MEX3D: variants seen among roughly 807,000 people sequenced by gnomAD.
MEX3D encodes RNA-binding protein MEX3D.
Under a neutral mutation model 6.3 loss-of-function variants are expected in MEX3D, and 4 were observed. The observed-to-expected ratio is 0.64, with a 90% CI of 0.31 to 1.46. The LOEUF (loss-of-function observed/expected upper bound fraction) is 1.46. Among genes scored for constraint, MEX3D ranks in the 40% most tolerant of loss-of-function variants. MEX3D has a pLI of 0.07. For missense variants in MEX3D, 1,038 were observed against 994.4 expected (o/e 1.04, Z -0.59); for synonymous variants, 626 against 494.1 (o/e 1.27, Z -3.54).
rs1914460610 is a variant in MEX3D at position 1,554,680 on chromosome 19, A to G, written c.*883T>C. 6.6e-6 allele frequency: 1 copy of G among 152,458 alleles called. No individual in the cohort carries two copies. Among genetic ancestry groups the G allele is most frequent in the African/African-American group, 2.4e-5 (1 of 41,464 alleles). 9.4% of individuals were successfully genotyped at this position (152,458 alleles called of 1,614,324 possible). On this transcript the variant is annotated 3_prime_UTR_variant, in exon 2 of 2. Transcript: ENST00000402693. The stretch of plus-strand genomic sequence containing the variant: ...ACGCTGAAGCCGTGTGCTCACATGT[A>G]GAAAAGAGGCTTTATTAAGAAGGCT...
chr19:1,564,284 G>A (rs1416300399), intron 1 of MEX3D, among the ~76,000 whole-genome samples: 2 of 151,926 alleles, frequency 1.3e-5, no homozygotes, highest in Non-Finnish European at 2.9e-5. Flanking sequence ...TGTAGTCCCA[G>A]CACTCTGGGA....
In MEX3D at chr19:1,567,971, G is replaced by A; in HGVS notation, c.88C>T (p.Pro30Ser). 1 of 977,876 alleles carries A rather than the reference G, an allele frequency of 1.0e-6. No homozygotes were observed. Among genetic ancestry groups the A allele is most frequent in the Non-Finnish European group, 1.2e-6 (1 of 826,990 alleles). 60.6% of individuals were successfully genotyped at this position (977,876 alleles called of 1,614,324 possible). A position where few individuals can be genotyped will look rare whatever the true frequency, so the allele number is the denominator to read the frequency against. The stretch of plus-strand genomic sequence containing the variant: ...CCCTCGGGCGGGGGCGCAGGTCCGG[G>A]TCCGGGGTCCTCCCCCGCCGCCCCC... The part of the protein sequence containing the change: ...GVGAAGEDPG[P>S]GPAPPPEGAQ... Residue 30 changes from proline to serine, a missense_variant, in exon 1 of 2, where the codon CCC (proline) becomes TCC (serine). Coordinates refer to ENST00000402693, the MANE Select transcript of MEX3D (RefSeq NM_203304.4). The surrounding 1 kb of genome is among the most constrained non-coding windows in gnomAD (Gnocchi z 6.5).
intron 1 of MEX3D, among the ~76,000 whole-genome samples, chr19:1,563,574 T>C (rs111354402): frequency 2.6e-3 from 393 of 152,240 alleles, no homozygotes; most frequent in African/African-American, 8.8e-3. Flanking sequence ...CCAGGGTGCC[T>C]GGCAAGCGGG....
At position 1,556,478 on chromosome 19, in the gene MEX3D, G is replaced by A. The variant is rs1314267732; in HGVS notation, c.1041C>T (p.Asp347=). 3 of 1,601,916 alleles carry A rather than the reference G, an allele frequency of 1.9e-6. No homozygotes were observed. Among genetic ancestry groups the A allele is most frequent in the African/African-American group, 2.7e-5 (2 of 74,752 alleles). ...CGTGGAAGTCGCTGTCGGGGCCCGC[G>A]TCGGTGAAGGCGCCAGTGCGCAGCG... The part of the protein sequence containing the change: ...HITLRTGAFT[D]AGPDSDFHAN... The change falls in exon 2 of 2, where the codon GAC becomes GAT. Residue 347 remains aspartate, a synonymous_variant. Coordinates refer to ENST00000402693, the MANE Select transcript of MEX3D (RefSeq NM_203304.4). This position sits in a 1 kb window ranked among gnomAD's most constrained non-coding sequence, Gnocchi z 7.5.
Position 1,555,960 on chromosome 19 carries a change from G to A in MEX3D, c.1559C>T (p.Pro520Leu). 2.6e-6 allele frequency: 3 copies of A among 1,170,624 alleles called. No homozygotes were observed. The highest frequency in any genetic ancestry group is 3.6e-5 in the South Asian group (1 of 27,918). The allele number at this position is 1,170,624 out of a possible 1,614,324, so 72.5% of individuals were successfully genotyped here. ...CGGGAGCTCCAGGCGGAGGCCGCCG[G>A]GCTCGGGCAGCGTGGGCGAGTGGCG... is the stretch of plus-strand genomic sequence containing the variant. Reference protein sequence around the residue: ...TPRHSPTLPEPGGLRLELPLS... With the variant: ...TPRHSPTLPELGGLRLELPLS... Residue 520 changes from proline to leucine, a missense_variant, in exon 2 of 2, where the codon CCC becomes CTC. Physicochemically the swap from Pro to Leu is moderately conservative, Grantham distance 98. This residue lies in a region of MEX3D where 581 missense variants were observed against 516.2 expected (regional missense o/e 1.13). Transcript: ENST00000402693.
intron 1 of MEX3D, among the ~76,000 whole-genome samples, chr19:1,562,268 A>AGAAAAG (rs1249106533): frequency 3.6e-5 from 5 of 138,044 alleles, no homozygotes; most frequent in African/African-American, 1.1e-4. Context: ...CTCAAAAAAA[A>AGAAAAG]AAAAAAATTA....
At chr19:1,558,644 G>T (rs1424027260) in intron 1 of MEX3D, among the ~76,000 whole-genome samples, 1 of 152,258 alleles carries the variant, frequency 6.6e-6, no homozygotes, top group Non-Finnish European at 1.5e-5. Context: ...AGGAGGGGAA[G>T]CCGAAATTCA....
rs1442670404 is a variant in MEX3D, at chr19:1,554,860, T to C, written c.*703A>G. ...AGTTCTTAAAATTTATTCCATAAAG[T>C]ACATATTTCCCTATAAATTCCCTAC... On this transcript the variant is annotated 3_prime_UTR_variant, in exon 2 of 2. Transcript: ENST00000402693. 1 of 147,826 alleles carries C rather than the reference T, an allele frequency of 6.8e-6. No individual in the cohort carries two copies. Among genetic ancestry groups the C allele is most frequent in the Non-Finnish European group, 1.5e-5 (1 of 67,450 alleles). 9.2% of individuals were successfully genotyped at this position (147,826 alleles called of 1,614,324 possible). A position where few individuals can be genotyped will look rare whatever the true frequency, so the allele number is the denominator to read the frequency against.
At position 1,560,908 on chromosome 19, in the gene MEX3D, C is replaced by T. The variant is rs148288496; in HGVS notation, c.596-3985G>A. The stretch of plus-strand genomic sequence containing the variant: ...CTCCAGGAGTGATCCCAGCCCACCC[C>T]TGCCCCACTGGAAATGACACAGCGA... On this transcript the variant is annotated intron_variant, in intron 1 of 1. Transcript: ENST00000402693. Among the ~76,000 whole-genome samples the T allele has an allele frequency of 1.6e-4, 24 of 152,356 alleles. No homozygotes were observed. In the East Asian group the frequency reaches 4.2e-3, roughly 27 times the overall value.
At position 1,555,725 on chromosome 19, in the gene MEX3D, T is replaced by G. The variant is rs775326072; in HGVS notation, c.1794A>C (p.Arg598=). 3.9e-6 allele frequency: 6 copies of G among 1,531,938 alleles called. No individual in the cohort carries two copies. Among genetic ancestry groups the G allele is most frequent in the Non-Finnish European group, 5.2e-6 (6 of 1,145,846 alleles). 94.9% of individuals were successfully genotyped at this position (1,531,938 alleles called of 1,614,324 possible). Residue 598 remains arginine, a synonymous_variant, in exon 2 of 2, where the codon CGA becomes CGC. Coordinates refer to ENST00000402693, the MANE Select transcript of MEX3D (RefSeq NM_203304.4). ...CGCCCTCGGCGCACACCACGCACTC[T>G]CGCGCCAGGGCCGGGGCCGAGGACG... ...PSASSAPALA[R]ECVVCAEGEV...
Position 1,567,678 on chromosome 19 carries a change from C to G in MEX3D, c.381G>C (p.Leu127=). 6 of 1,152,236 alleles carry G rather than the reference C, an allele frequency of 5.2e-6. No individual in the cohort carries two copies. The highest frequency in any genetic ancestry group is 6.4e-6 in the Non-Finnish European group (6 of 930,676). The allele number at this position is 1,152,236 out of a possible 1,614,324, so 71.4% of individuals were successfully genotyped here. The change falls in exon 1 of 2, where the codon CTG becomes CTC. Residue 127 remains leucine, a synonymous_variant. Coordinates refer to ENST00000402693, the MANE Select transcript of MEX3D (RefSeq NM_203304.4). The surrounding 1 kb of genome is among the most constrained non-coding windows in gnomAD (Gnocchi z 6.5). The stretch of plus-strand genomic sequence containing the variant: ...GCGGCGGGGGACTCGCGTTGGGGTC[C>G]AGCAGCGGCAGCGACCCGGGGGCCA... ...PAVAPGSLPL[L]DPNASPPPPP... is the part of the protein sequence containing the mutation.
intron 1 of MEX3D, among the ~76,000 whole-genome samples, chr19:1,558,442 A>G (rs1599324272): frequency 6.6e-6 from 1 of 151,844 alleles, no homozygotes; most frequent in African/African-American, 2.4e-5. Context: ...CAGAGACTGC[A>G]GTGATGTCTC....
In MEX3D at chr19:1,556,676, G is replaced by C. The variant is rs764844259; in HGVS notation, c.843C>G (p.Pro281=). The C allele has an allele frequency of 3.7e-6, 6 of 1,610,690 alleles. No individual in the cohort carries two copies. Among genetic ancestry groups the C allele is most frequent in the Non-Finnish European group, 5.1e-6 (6 of 1,178,934 alleles). The part of the protein sequence containing the change: ...PGQTTIQVRV[P]YRVVGLVVGP... ...CCACCACCAGCCCCACCACCCGGTA[G>C]GGCACGCGCACCTGGATGGTGGTCT... is the stretch of plus-strand genomic sequence containing the variant. Residue 281 remains proline (P), a synonymous_variant, in exon 2 of 2, where the codon CCC becomes CCG. Coordinates refer to ENST00000402693, the MANE Select transcript of MEX3D (RefSeq NM_203304.4). The surrounding 1 kb of genome is among the most constrained non-coding windows in gnomAD (Gnocchi z 7.5).
At chr19:1,562,380 CCGGGCGTGGTGG>C (rs1174744295) in intron 1 of MEX3D, among the ~76,000 whole-genome samples, 2 of 151,668 alleles carry the variant, frequency 1.3e-5, no homozygotes, top group African/African-American at 4.8e-5. Flanking sequence ...CAAAAATTAG[CCGGGCGTGGTGG>C]CGGGCGCCTG....
Position 1,555,587 on chromosome 19 carries a change from G to A in MEX3D, c.1932C>T (p.Thr644=). ...TCTAGGAAAAGATATGAATGGCCTG[G>A]GTGGCCGGCGTGCGGCAGGCGGGAC... ...PECPACRTPA[T]QAIHIFS The change falls in exon 2 of 2, where the codon ACC becomes ACT. Residue 644 remains threonine, a synonymous_variant. Coordinates refer to ENST00000402693, the MANE Select transcript of MEX3D (RefSeq NM_203304.4). 6.3e-7 allele frequency: 1 copy of A among 1,589,202 alleles called. No individual in the cohort carries two copies. Among genetic ancestry groups the A allele is most frequent in the Non-Finnish European group, 8.5e-7 (1 of 1,169,888 alleles).
intron 1 of MEX3D, among the ~76,000 whole-genome samples, chr19:1,561,042 G>A (rs1040685647): frequency 5.9e-5 from 9 of 152,334 alleles, no homozygotes; most frequent in East Asian, 3.9e-4. Flanking sequence ...AACTCGGAGG[G>A]CTTGAGATGC....
chr19:1,568,099 G>C lies in MEX3D; in HGVS notation c.-41C>G, dbSNP rs1372447560. ...TGGGGCCCGCGCTCCTGCCGCCCGC[G>C]CCGCCGCCGCCGCCCGCGCCGCCCT... On this transcript the variant is annotated 5_prime_UTR_variant, in exon 1 of 2. Coordinates refer to ENST00000402693, the MANE Select transcript of MEX3D (RefSeq NM_203304.4). 1 of 974,414 alleles carries C rather than the reference G, an allele frequency of 1.0e-6. No homozygotes were observed. Among genetic ancestry groups the C allele is most frequent in the Admixed American group, 6.5e-5 (1 of 15,370 alleles). The allele number at this position is 974,414 out of a possible 1,614,324, so 60.4% of individuals were successfully genotyped here. A position where few individuals can be genotyped will look rare whatever the true frequency, so the allele number is the denominator to read the frequency against.
rs1369375481 is a variant in MEX3D, at chr19:1,568,313, AGGCGGCGGC to A, written c.-264_-256del. Among the ~76,000 whole-genome samples the A allele has an allele frequency of 1.5e-5, 2 of 132,226 alleles. No homozygotes were observed. Among genetic ancestry groups the A allele is most frequent in the Non-Finnish European group, 1.6e-5 (1 of 61,404 alleles). 86.7% of individuals were successfully genotyped at this position (132,226 alleles called of 152,430 possible). Reference sequence around the variant, plus strand: ...GGCGGCGGCGGCTCCTCGGCGGCCGAGGCGGCGGCGGCGGCGCGGGACGCTCCTTCCCTC... The same window carrying A: ...GGCGGCGGCGGCTCCTCGGCGGCCGAGGCGGCGCGGGACGCTCCTTCCCTC... On this transcript the variant is annotated 5_prime_UTR_variant, in exon 1 of 2. Transcript: ENST00000402693.
Position 1,567,828 on chromosome 19 carries a change from C to T in MEX3D, c.231G>A (p.Thr77=). The change falls in exon 1 of 2, where the codon ACG becomes ACA. Residue 77 remains threonine (T), a synonymous_variant. Transcript: ENST00000402693. This position sits in a 1 kb window ranked among gnomAD's most constrained non-coding sequence, Gnocchi z 6.5. The stretch of plus-strand genomic sequence containing the variant: ...CGTCCCCGGCCGCCCCCTCCTCGTC[C>T]GTGTCGCCAGCGCCCCCCAGCCCGA... ...SALGLGGAGD[T]DEEGAAGDGA... The T allele has an allele frequency of 1.0e-6, 1 of 999,248 alleles. No individual in the cohort carries two copies. The highest frequency in any genetic ancestry group is 1.2e-6 in the Non-Finnish European group (1 of 839,838). 61.9% of individuals were successfully genotyped at this position (999,248 alleles called of 1,614,324 possible). A position where few individuals can be genotyped will look rare whatever the true frequency, so the allele number is the denominator to read the frequency against.
Sources: gnomAD v4.1 joint callset for allele counts (sites outside exome capture counted in the v4.1 genomes callset) on GRCh38, gnomAD v4.1.1 for gene constraint, gnomAD v4.1.1 regional missense constraint, Gnocchi (gnomAD v3.1) non-coding constraint, MANE v1.5 for transcripts, NCBI Gene and HGNC (gene_info 2026-07-23, HGNC 2026-07-21) for gene names.